Variants in EEF1G observed in about 807,000 individuals in gnomAD.
EEF1G encodes the protein elongation factor 1-gamma.
A neutral mutation model predicts 58.3 loss-of-function variants in EEF1G; 14 were observed. That is an observed-to-expected ratio of 0.24 (90% CI 0.16 to 0.38). The LOEUF (loss-of-function observed/expected upper bound fraction) is 0.38. EEF1G is among the 10% of genes least tolerant of loss of function. The pLI is 1.00. For missense variants in EEF1G, 322 were observed against 550.1 expected (o/e 0.59, Z 4.15); for synonymous variants, 180 against 206.8 (o/e 0.87, Z 1.11).
intron 7 of EEF1G, among the ~76,000 whole-genome samples, chr11:62,565,688 G>C (rs1297529581): frequency 6.6e-6 from 1 of 152,150 alleles, no homozygotes; most frequent in Non-Finnish European, 1.5e-5. Flanking sequence ...ACCTGCACCT[G>C]TGCTAAATTC....
chr11:62,559,728 G>T lies in EEF1G; in HGVS notation c.1265C>A (p.Ala422Asp), dbSNP rs1244476654. The T allele has an allele frequency of 6.2e-7, 1 of 1,613,934 alleles. No individual in the cohort carries two copies. Among genetic ancestry groups the T allele is most frequent in the Non-Finnish European group, 8.5e-7 (1 of 1,179,858 alleles). Reference sequence around the variant, plus strand: ...GAAGGCTTTGCCCACATGCTGGAAGGCCCCCTCCCAGGAAAAGTACTCTCG... The same window carrying T: ...GAAGGCTTTGCCCACATGCTGGAAGTCCCCCTCCCAGGAAAAGTACTCTCG... The part of the protein sequence containing the change: ...LVREYFSWEG[A>D]FQHVGKAFNQ... The change falls in exon 10 of 10, where the codon GCC becomes GAC. Residue 422 changes from alanine (A) to aspartate (D), a missense_variant. Physicochemically the swap from Ala to Asp is moderately radical, Grantham distance 126. Around this residue, in one of 3 missense-constraint regions of EEF1G, gnomAD observed 208 missense variants for 323.7 expected, o/e 0.64. Transcript: ENST00000329251.
intron 7 of EEF1G, among the ~76,000 whole-genome samples, chr11:62,563,773 A>G (rs1196803538): frequency 2.0e-5 from 3 of 152,164 alleles, no homozygotes; most frequent in Non-Finnish European, 2.9e-5. Context: ...AGATGAGACC[A>G]AGTAGAATGA....
At chr11:62,567,550 A>T in intron 5 of EEF1G, 22 bp from the exon 6 acceptor site, 1 of 1,571,358 alleles carries the variant, frequency 6.4e-7, no homozygotes, top group Non-Finnish European at 8.6e-7. Context: ...TAAGGGTGTA[A>T]ACAAAGTCAG....
chr11:62,572,827 A>C (rs1941651888), intron 1 of EEF1G, 85 bp from the exon 2 acceptor site: 4 of 1,290,954 alleles, frequency 3.1e-6, no homozygotes, highest in Non-Finnish European at 2.1e-6. Flanking sequence ...TTCCTGAATA[A>C]TCCCAATGTA....
At chr11:62,562,046 C>T (rs1941502456) in intron 7 of EEF1G, among the ~76,000 whole-genome samples, 1 of 152,192 alleles carries the variant, frequency 6.6e-6, no homozygotes, top group African/African-American at 2.4e-5. Flanking sequence ...AACATAAAGC[C>T]TTGAGTTGTG....
At position 62,572,695 on chromosome 11, in the gene EEF1G, G is replaced by T. The variant is rs533408973; in HGVS notation, c.60C>A (p.Ile20=). Residue 20 remains isoleucine, a synonymous_variant, in exon 2 of 10, where the codon ATC becomes ATA. Coordinates refer to ENST00000329251, the MANE Select transcript of EEF1G (RefSeq NM_001404.5). ...CCTGAGCCCCGCTGTACTGAGCAGC[G>T]ATGAGAGCCTTGAAGGCCCTCCAGT... is the stretch of plus-strand genomic sequence containing the variant. ...PENWRAFKAL[I]AAQYSGAQVR... is the part of the protein sequence containing the mutation. 1 of 1,613,598 alleles carries T rather than the reference G, an allele frequency of 6.2e-7. No individual in the cohort carries two copies. Among genetic ancestry groups the T allele is most frequent in the East Asian group, 2.2e-5 (1 of 44,888 alleles).
chr11:62,567,594 G>C (rs749710350), intron 5 of EEF1G, 66 bp from the exon 6 acceptor site: 2 of 1,465,644 alleles, frequency 1.4e-6, no homozygotes, highest in Non-Finnish European at 1.8e-6. Context: ...TTCACAGCAA[G>C]AGTCCTTGCT....
chr11:62,559,705 A>T lies in EEF1G; in HGVS notation c.1288T>A (p.Phe430Ile). The T allele has an allele frequency of 6.2e-7, 1 of 1,614,000 alleles. No homozygotes were observed. The highest frequency in any genetic ancestry group is 8.5e-7 in the Non-Finnish European group (1 of 1,179,872). ...EGAFQHVGKA[F>I]NQGKIFK is the part of the protein sequence containing the mutation. The stretch of plus-strand genomic sequence containing the variant: ...CACTTGAAGATCTTGCCCTGATTGA[A>T]GGCTTTGCCCACATGCTGGAAGGCC... Residue 430 changes from phenylalanine (F) to isoleucine (I), a missense_variant, in exon 10 of 10, where the codon TTC becomes ATC. Phe to Ile is a conservative substitution (Grantham distance 21). Coordinates refer to ENST00000329251, the MANE Select transcript of EEF1G (RefSeq NM_001404.5).
intron 5 of EEF1G, among the ~76,000 whole-genome samples, chr11:62,568,387 CAAAAAAAAA>C (rs56838630): frequency 5.0e-5 from 3 of 60,162 alleles, no homozygotes; most frequent in African/African-American, 6.7e-5. Context: ...GACTCTGTCT[CAAAAAAAAA>C]AAAAAAAAAA....
chr11:62,560,917 ACACCCATGTC>A (rs1242430058), intron 7 of EEF1G, among the ~76,000 whole-genome samples: 1 of 152,116 alleles, frequency 6.6e-6, no homozygotes, highest in Non-Finnish European at 1.5e-5. Context: ...CCCAAATCTT[ACACCCATGTC>A]CTTTAGTCCA....
At chr11:62,562,928 A>C (rs1249282652) in intron 7 of EEF1G, among the ~76,000 whole-genome samples, 1 of 151,932 alleles carries the variant, frequency 6.6e-6, no homozygotes, top group East Asian at 2.0e-4. Context: ...ATAGCGAGAC[A>C]CTGTCTCTAC....
chr11:62,560,165 C>T lies in EEF1G; in HGVS notation c.1059G>A (p.Arg353=). 1 of 1,614,062 alleles carries T rather than the reference C, an allele frequency of 6.2e-7. No homozygotes were observed. ...GGATGACACTGGCGAAGGCATTCTT[C>T]CTCAGCTTGTCCAGTCGCTGGAACA... ...TGMFQRLDKL[R]KNAFASVILF... is the part of the protein sequence containing the mutation. Residue 353 remains arginine (R), a synonymous_variant, in exon 9 of 10, where the codon AGG becomes AGA. Coordinates refer to ENST00000329251, the MANE Select transcript of EEF1G (RefSeq NM_001404.5).
intron 1 of EEF1G, 53 bp downstream of exon 1, chr11:62,573,778 C>A (rs1440231866): frequency 3.7e-6 from 6 of 1,612,956 alleles, no homozygotes; most frequent in Non-Finnish European, 5.1e-6. Flanking sequence ...CCCACTCGGG[C>A]AAAGGATGGC....
rs773226537 is a variant in EEF1G at position 62,559,766 on chromosome 11, G to A, written c.1227C>T (p.Thr409=). The A allele has an allele frequency of 1.2e-6, 2 of 1,613,970 alleles. No individual in the cohort carries two copies. Among genetic ancestry groups the A allele is most frequent in the African/African-American group, 2.7e-5 (2 of 75,018 alleles). The part of the protein sequence containing the change: ...WRKLDPGSEE[T]QTLVREYFSW... Reference sequence around the variant, plus strand: ...AAAAGTACTCTCGAACCAGCGTCTGGGTCTCCTCGCTGCCAGGATCCAGTT... The same window carrying A: ...AAAAGTACTCTCGAACCAGCGTCTGAGTCTCCTCGCTGCCAGGATCCAGTT... The change falls in exon 10 of 10, where the codon ACC becomes ACT. Residue 409 remains threonine, a synonymous_variant. Transcript: ENST00000329251.
In EEF1G at chr11:62,566,920, C is replaced by A. The variant is rs781687410; in HGVS notation, c.743G>T (p.Arg248Leu). Residue 248 changes from arginine to leucine, a missense_variant, in exon 7 of 10, where the codon CGG becomes CTG. Physicochemically the swap from Arg to Leu is moderately radical, Grantham distance 102. Around this residue, in one of 3 missense-constraint regions of EEF1G, gnomAD observed 208 missense variants for 323.7 expected, o/e 0.64. Transcript: ENST00000329251. ...REEKQKPQAE[R>L]KEEKKAAAPA... is the part of the protein sequence containing the mutation. ...GGCAGCCGCCTTTTTCTCCTCCTTC[C>A]GCTCAGCCTGGGGCTTCTGCTTCTC... 6.2e-6 allele frequency: 10 copies of A among 1,613,838 alleles called. No individual in the cohort carries two copies. Among genetic ancestry groups the A allele is most frequent in the South Asian group, 1.1e-5 (1 of 91,082 alleles).
chr11:62,570,292 C>T (rs1941611540), intron 5 of EEF1G, among the ~76,000 whole-genome samples: 1 of 152,026 alleles, frequency 6.6e-6, no homozygotes, highest in East Asian at 1.9e-4. Flanking sequence ...GAACTCCTGA[C>T]CTCAAGTGAT....
intron 7 of EEF1G, 123 bp from the exon 8 acceptor site, chr11:62,560,577 G>T: frequency 1.8e-6 from 2 of 1,094,794 alleles, no homozygotes; most frequent in Non-Finnish European, 2.6e-6. Context: ...GCTGGCAGAT[G>T]TGTATGACCT....
rs66756936 is a variant in EEF1G, at chr11:62,561,671, CA to C, written c.858-1218del. Among the ~76,000 whole-genome samples, 29 of 82,300 alleles carry C rather than the reference CA, an allele frequency of 3.5e-4. 1 individual carries two copies. Among genetic ancestry groups the C allele is most frequent in the East Asian group, 2.9e-3 (5 of 1,712 alleles). The allele number at this position is 82,300 out of a possible 152,430, so 54.0% of individuals were successfully genotyped here. A position where few individuals can be genotyped will look rare whatever the true frequency, so the allele number is the denominator to read the frequency against. On this transcript the variant is annotated intron_variant, in intron 7 of 9. Transcript: ENST00000329251. ...GCAAGACTCCGTCTCAAAAAAAAAA[CA>C]AAAAAAAAACAAAAAAAAAAAAAAC...
intron 5 of EEF1G, 137 bp from the exon 6 acceptor site, chr11:62,567,665 A>C: frequency 1.3e-6 from 1 of 795,386 alleles, no homozygotes; most frequent in Non-Finnish European, 1.8e-6. Context: ...TTCATACAAC[A>C]TCATCCTTCC....
Sources: gnomAD v4.1 joint callset for allele counts (sites outside exome capture counted in the v4.1 genomes callset) on GRCh38, gnomAD v4.1.1 for gene constraint, gnomAD v4.1.1 regional missense constraint, MANE v1.5 for transcripts, NCBI Gene and HGNC (gene_info 2026-07-23, HGNC 2026-07-21) for gene names.